Variants in TNFSF11 observed in about 807,000 individuals in gnomAD.
TNFSF11 encodes the protein tumor necrosis factor ligand superfamily member 11.
TNFSF11 carries 12 observed loss-of-function variants against 32.2 expected under a neutral mutation model. The ratio of observed to expected loss-of-function variants is 0.37; its 90% CI spans 0.24 to 0.60. The LOEUF is 0.60. Ranked by LOEUF, TNFSF11 falls within the 20% of genes least tolerant of loss-of-function variation. TNFSF11 has a pLI of 0.66. For synonymous variants in TNFSF11, 172 were observed against 152.1 expected, an observed-to-expected ratio of 1.13 and a Z score of -0.96; for missense variants, 345 against 398.0, an observed-to-expected ratio of 0.87 and a Z score of 1.13.
At chr13:42,564,429 TGGTGGCACATGACTGC>T (rs1872795614) in intron 1 of TNFSF11, among the ~76,000 whole-genome samples, 1 of 152,060 alleles carries the variant, frequency 6.6e-6, no homozygotes, top group Non-Finnish European at 1.5e-5. Flanking sequence ...TAGCCGGGCG[TGGTGGCACATGACTGC>T]AATCCCACCT....
intron 1 of TNFSF11, among the ~76,000 whole-genome samples, chr13:42,580,537 AC>A (rs1433139958): frequency 3.3e-5 from 5 of 152,186 alleles, no homozygotes; most frequent in African/African-American, 1.2e-4. Context: ...GAGAGGGTCA[AC>A]AAAAAAGACA....
intron 4 of TNFSF11, among the ~76,000 whole-genome samples, chr13:42,603,912 A>G (rs1406774115): frequency 6.6e-6 from 1 of 152,218 alleles, no homozygotes; most frequent in Non-Finnish European, 1.5e-5. Flanking sequence ...AGCATGAACC[A>G]GTGAATGTAT....
At chr13:42,581,768 T>C (rs1236732722) in intron 2 of TNFSF11, among the ~76,000 whole-genome samples, 2 of 152,174 alleles carry the variant, frequency 1.3e-5, no homozygotes, top group African/African-American at 2.4e-5. Flanking sequence ...TCCTTTGCTG[T>C]CATCTGTGGT....
intron 1 of TNFSF11, among the ~76,000 whole-genome samples, chr13:42,564,438 A>G (rs111593799): frequency 4.5e-4 from 69 of 152,194 alleles, no homozygotes; most frequent in African/African-American, 1.7e-3. Flanking sequence ...GTGGTGGCAC[A>G]TGACTGCAAT....
rs1360963541 is a variant in TNFSF11, at chr13:42,574,368, C to G, written c.65C>G (p.Pro22Arg). The change falls in exon 1 of 5, where the codon CCC becomes CGC. Residue 22 changes from proline (P) to arginine (R), a missense_variant. By Grantham distance (103) the Pro-to-Arg change is moderately radical. This residue lies in a region of TNFSF11 where 197 missense variants were observed against 182.0 expected (regional missense o/e 1.08). Coordinates refer to ENST00000398795, the MANE Select transcript of TNFSF11 (RefSeq NM_003701.4). ...GGCTCGGAGGAGATGGGCGGCGGCCCCGGAGCCCCGCACGAGGGCCCCCTG... is the reference window on the plus strand; with the variant it reads ...GGCTCGGAGGAGATGGGCGGCGGCCGCGGAGCCCCGCACGAGGGCCCCCTG... ...LRGSEEMGGGPGAPHEGPLHA... is the reference protein window; with the variant it reads ...LRGSEEMGGGRGAPHEGPLHA... The G allele has an allele frequency of 3.9e-6, 6 of 1,542,396 alleles. No individual in the cohort carries two copies. The East Asian group carries it at 1.2e-4, about 32-fold the overall frequency.
chr13:42,599,069 A>G (rs1422224567), intron 2 of TNFSF11, among the ~76,000 whole-genome samples: 1 of 152,182 alleles, frequency 6.6e-6, no homozygotes, highest in Non-Finnish European at 1.5e-5. Context: ...CCCTGGGTCT[A>G]GGCAACAGCA....
chr13:42,589,233 G>GT (rs1180229555), intron 2 of TNFSF11, among the ~76,000 whole-genome samples: 1 of 152,052 alleles, frequency 6.6e-6, no homozygotes, highest in African/African-American at 2.4e-5. Context: ...GTCAGAAGAT[G>GT]GTCTTATCCT....
intron 4 of TNFSF11, among the ~76,000 whole-genome samples, chr13:42,605,813 G>A (rs1048038071): frequency 6.6e-6 from 1 of 152,202 alleles, no homozygotes. Flanking sequence ...TAAGGTGGGA[G>A]ACACTTGGGC....
intron 1 of TNFSF11, among the ~76,000 whole-genome samples, chr13:42,565,179 T>G (rs1167130198): frequency 6.6e-6 from 1 of 151,880 alleles, no homozygotes; most frequent in African/African-American, 2.4e-5. Context: ...CCTTTAGATT[T>G]TTTTCATTAT....
upstream of TNFSF11, among the ~76,000 whole-genome samples, chr13:42,569,540 T>G (rs1872982603): frequency 1.2e-5 from 1 of 86,758 alleles, no homozygotes; most frequent in African/African-American, 4.7e-5. Flanking sequence ...AGAGCAACAC[T>G]CTGTCTCAAA....
chr13:42,580,072 C>A (rs1168268473), intron 1 of TNFSF11, among the ~76,000 whole-genome samples: 1 of 152,078 alleles, frequency 6.6e-6, no homozygotes, highest in Non-Finnish European at 1.5e-5. Flanking sequence ...TTTGACTGAG[C>A]TTTGTAATCT....
At chr13:42,575,391 T>C (rs977301721) in intron 1 of TNFSF11, among the ~76,000 whole-genome samples, 2 of 152,216 alleles carry the variant, frequency 1.3e-5, no homozygotes, top group Admixed American at 6.5e-5. Flanking sequence ...TTCTTGGAAA[T>C]TGCAGTGCAG....
intron 4 of TNFSF11, among the ~76,000 whole-genome samples, chr13:42,604,891 C>T (rs1869369866): frequency 6.6e-6 from 1 of 152,194 alleles, no homozygotes; most frequent in African/African-American, 2.4e-5. Flanking sequence ...TCAAGTAATT[C>T]TCCTGCCTCA....
At position 42,606,859 on chromosome 13, in the gene TNFSF11, C is replaced by T. The variant is rs762368772; in HGVS notation, c.895C>T (p.Leu299=). ...CATCGAGGTCTCCAACCCCTCCTTA[C>T]TGGATCCGGATCAGGATGCAACATA... is the stretch of plus-strand genomic sequence containing the variant. ...ISIEVSNPSL[L]DPDQDATYFG... Residue 299 remains leucine, a synonymous_variant, in exon 5 of 5, where the codon CTG becomes TTG. Transcript: ENST00000398795. The T allele has an allele frequency of 1.2e-5, 20 of 1,614,014 alleles. No homozygotes were observed. The highest frequency in any genetic ancestry group is 1.7e-5 in the Non-Finnish European group (20 of 1,180,026).
rs530021297 is a variant in TNFSF11, at chr13:42,567,464, T to G, written c.-160+702T>G. 6.6e-5 allele frequency among the ~76,000 whole-genome samples: 10 copies of G among 152,288 alleles called. No individual in the cohort carries two copies. The South Asian group carries it at 2.1e-3, about 32-fold the overall frequency. ...ACCAAGATGTTTTTCCTCTTCCACC[T>G]CCCATCCAGTTTTCCGTAATGTCTG... On this transcript the variant is annotated intron_variant, in intron 2 of 6. Coordinates refer to the TNFSF11 transcript ENST00000358545.
At chr13:42,564,117 T>A (rs1304252714) in intron 1 of TNFSF11, among the ~76,000 whole-genome samples, 2 of 150,464 alleles carry the variant, frequency 1.3e-5, no homozygotes, top group African/African-American at 4.8e-5. Flanking sequence ...GTTAATCTAG[T>A]TAATTATTAA....
At chr13:42,605,120 A>G (rs1387634990) in intron 4 of TNFSF11, among the ~76,000 whole-genome samples, 1 of 151,968 alleles carries the variant, frequency 6.6e-6, no homozygotes, top group Non-Finnish European at 1.5e-5. Flanking sequence ...ATAAGGATTC[A>G]CTCTAATCAG....
At chr13:42,563,433 C>T (rs540714066) in intron 1 of TNFSF11, among the ~76,000 whole-genome samples, 56 of 152,180 alleles carry the variant, frequency 3.7e-4, no homozygotes, top group African/African-American at 1.1e-3. Flanking sequence ...GAGGCCAAGG[C>T]GGGTGGATTA....
At chr13:42,595,118 T>G (rs1868731374) in intron 2 of TNFSF11, among the ~76,000 whole-genome samples, 1 of 152,252 alleles carries the variant, frequency 6.6e-6, no homozygotes, top group Non-Finnish European at 1.5e-5. Context: ...GTTTCAAATC[T>G]GCAAAGGCTG....
Sources: gnomAD v4.1 joint callset for allele counts (sites outside exome capture counted in the v4.1 genomes callset) on GRCh38, gnomAD v4.1.1 for gene constraint, gnomAD v4.1.1 regional missense constraint, MANE v1.5 for transcripts, NCBI Gene and HGNC (gene_info 2026-07-23, HGNC 2026-07-21) for gene names.